Variants in BLOC1S6 observed in about 807,000 individuals in gnomAD.
BLOC1S6 encodes biogenesis of lysosome-related organelles complex 1 subunit 6.
A neutral mutation model predicts 24.7 loss-of-function variants in BLOC1S6; 24 were observed. That is an observed-to-expected ratio of 0.97 (90% confidence interval 0.70 to 1.37). The LOEUF (loss-of-function observed/expected upper bound fraction) is 1.37. BLOC1S6 is among the 40% of genes most tolerant of loss of function. The pLI is 0.00. For synonymous variants in BLOC1S6, 76 were observed against 72.6 expected (o/e 1.05, Z -0.23); for missense variants, 175 against 196.2 (o/e 0.89, Z 0.64).
At position 45,606,448 on chromosome 15, in the gene BLOC1S6, G is replaced by A; in HGVS notation, c.453G>A (p.Glu151=). 6.2e-7 allele frequency: 1 copy of A among 1,614,112 alleles called. No individual in the cohort carries two copies. Among genetic ancestry groups the A allele is most frequent in the South Asian group, 1.1e-5 (1 of 91,084 alleles). ...QKRQKEELER[E]QQREKEFERE... Reference sequence around the variant, plus strand: ...GGCAAAAAGAAGAGTTGGAAAGGGAGCAGCAACGAGAGAAGGAGTTTGAAA... The same window carrying A: ...GGCAAAAAGAAGAGTTGGAAAGGGAACAGCAACGAGAGAAGGAGTTTGAAA... The change falls in exon 5 of 5, where the codon GAG becomes GAA. Residue 151 remains glutamate (E), a synonymous_variant. Transcript: ENST00000220531.
rs547965209 is a variant in BLOC1S6, at chr15:45,602,032, C to T, written c.225-1068C>T. Among the ~76,000 whole-genome samples, 10 of 152,204 alleles carry T rather than the reference C, an allele frequency of 6.6e-5. 1 individual carries two copies. The South Asian group carries it at 2.1e-3, about 32-fold the overall frequency. ...AGTAGCTCGGACCACAGGTGTGTGCCACCACACCCAGCTCATTTTTTGTGT... is the reference window on the plus strand; with the variant it reads ...AGTAGCTCGGACCACAGGTGTGTGCTACCACACCCAGCTCATTTTTTGTGT... On this transcript the variant is annotated intron_variant, in intron 2 of 4. Transcript: ENST00000220531.
chr15:45,587,999 C>T, intron 1 of BLOC1S6: 1 of 546,980 alleles, frequency 1.8e-6, no homozygotes, highest in Non-Finnish European at 3.2e-6. Flanking sequence ...GCTCTAATGC[C>T]CTAAGGCATC....
At chr15:45,603,615 GA>G (rs1894344001) in intron 3 of BLOC1S6, among the ~76,000 whole-genome samples, 1 of 152,274 alleles carries the variant, frequency 6.6e-6, no homozygotes, top group East Asian at 1.9e-4. Context: ...TCCAGAAACT[GA>G]GGTGGAAGGA....
At chr15:45,604,023 A>G (rs1219189889) in intron 3 of BLOC1S6, among the ~76,000 whole-genome samples, 4 of 152,142 alleles carry the variant, frequency 2.6e-5, no homozygotes, top group African/African-American at 9.7e-5. Context: ...GGAATTAACC[A>G]AAAAAAGGAA....
At chr15:45,587,715 G>A in intron 1 of BLOC1S6, 190 bp downstream of exon 1, 1 of 714,096 alleles carries the variant, frequency 1.4e-6, no homozygotes, top group Non-Finnish European at 2.5e-6. Context: ...CGGAACTGAA[G>A]TCCCGAGGGG....
chr15:45,605,408 A>G lies in BLOC1S6; in HGVS notation c.313-20A>G. The G allele has an allele frequency of 6.4e-7, 1 of 1,572,872 alleles. No individual in the cohort carries two copies. The highest frequency in any genetic ancestry group is 8.7e-7 in the Non-Finnish European group (1 of 1,143,904). ...TTAGTCTATTTTAACTTGACTTTTCATTTATTTTTCCATGTTAAGTTTGCT... is the reference window on the plus strand; with the variant it reads ...TTAGTCTATTTTAACTTGACTTTTCGTTTATTTTTCCATGTTAAGTTTGCT... On this transcript the variant is annotated intron_variant, in intron 3 of 4. Coordinates refer to ENST00000220531, the MANE Select transcript of BLOC1S6 (RefSeq NM_012388.4).
At chr15:45,600,857 TTG>T (rs1429562883) in intron 2 of BLOC1S6, among the ~76,000 whole-genome samples, 1 of 152,208 alleles carries the variant, frequency 6.6e-6, no homozygotes, top group East Asian at 1.9e-4. Context: ...TCTGCAGTTG[TTG>T]CCCTTTATCC....
At chr15:45,592,342 G>A in intron 2 of BLOC1S6, 66 bp downstream of exon 2, 1 of 1,561,922 alleles carries the variant, frequency 6.4e-7, no homozygotes, top group Non-Finnish European at 8.8e-7. Context: ...TTGTATAATT[G>A]TATACTGTGT....
At chr15:45,601,030 G>T (rs1348292624) in intron 2 of BLOC1S6, among the ~76,000 whole-genome samples, 1 of 152,122 alleles carries the variant, frequency 6.6e-6, no homozygotes, top group Non-Finnish European at 1.5e-5. Flanking sequence ...TCAGGTTATG[G>T]ATGTCAGCCT....
chr15:45,587,310 G>C, upstream of BLOC1S6: 4 of 845,986 alleles, frequency 4.7e-6, no homozygotes, highest in Non-Finnish European at 5.8e-6. Flanking sequence ...ATCGAAGCCC[G>C]CAGTTTTTTC....
intron 4 of BLOC1S6, 83 bp downstream of exon 4, chr15:45,605,597 T>C: frequency 1.8e-6 from 2 of 1,092,360 alleles, no homozygotes; most frequent in South Asian, 1.5e-5. Flanking sequence ...TCAGTATTCT[T>C]TTTTTTTTTG....
chr15:45,589,838 A>AAAAAC (rs148304633), intron 1 of BLOC1S6, among the ~76,000 whole-genome samples: 14,263 of 152,010 alleles, frequency 0.094, 2,279 homozygotes, highest in African/African-American at 0.33. Flanking sequence ...TAAAAGAGAG[A>AAAAAC]AAAACAAAAC....
intron 2 of BLOC1S6, chr15:45,601,479 G>C (rs987543766): frequency 2.6e-5 from 4 of 152,506 alleles, no homozygotes; most frequent in Non-Finnish European, 5.9e-5. Flanking sequence ...CCTTGTATAA[G>C]TTTTGGTAGT....
chr15:45,587,785 G>A, intron 1 of BLOC1S6: 2 of 702,528 alleles, frequency 2.8e-6, no homozygotes, highest in Non-Finnish European at 5.2e-6. Flanking sequence ...CTGAGTTTAT[G>A]TGTTGACTCC....
chr15:45,599,447 C>G (rs1387987862), intron 2 of BLOC1S6: 1 of 132,268 alleles, frequency 7.6e-6, no homozygotes, highest in Non-Finnish European at 1.5e-5. Context: ...TGACAAAGGG[C>G]TAATACCCAG....
intron 2 of BLOC1S6, among the ~76,000 whole-genome samples, chr15:45,596,750 C>T (rs1894092291): frequency 6.6e-6 from 1 of 151,946 alleles, no homozygotes; most frequent in African/African-American, 2.4e-5. Context: ...GCGATCTCAG[C>T]TCACTGCAAC....
intron 1 of BLOC1S6, among the ~76,000 whole-genome samples, chr15:45,588,491 CCTCT>C (rs1893768595): frequency 1.3e-5 from 2 of 151,940 alleles, no homozygotes. Flanking sequence ...TGGACTTTTT[CCTCT>C]CTCTCTCCTT....
At chr15:45,596,704 A>G (rs1048103525) in intron 2 of BLOC1S6, among the ~76,000 whole-genome samples, 1 of 150,644 alleles carries the variant, frequency 6.6e-6, no homozygotes, top group Non-Finnish European at 1.5e-5. Context: ...TTTTTGAGAC[A>G]GGGTCTCACT....
intron 2 of BLOC1S6, among the ~76,000 whole-genome samples, chr15:45,597,252 G>A (rs1595555897): frequency 1.3e-5 from 2 of 152,284 alleles, no homozygotes; most frequent in Admixed American, 1.3e-4. Context: ...TGGGGCAGAA[G>A]GATCTCTTGA....
Sources: allele counts gnomAD v4.1 joint callset (sites outside exome capture counted in the v4.1 genomes callset), GRCh38; gene constraint gnomAD v4.1.1; transcripts MANE v1.5; gene names NCBI Gene and HGNC (gene_info 2026-07-23, HGNC 2026-07-21).